Variants in GLIS3 observed in about 807,000 individuals in gnomAD.
GLIS3 encodes the protein zinc finger protein GLIS3.
A neutral mutation model predicts 78.6 loss-of-function variants in GLIS3; 53 were observed. The observed-to-expected ratio is 0.67, with a 90% CI of 0.54 to 0.85. The LOEUF (loss-of-function observed/expected upper bound fraction) is 0.85. Among genes scored for constraint, GLIS3 ranks in the 40% least tolerant of loss-of-function variants. The pLI, the probability that GLIS3 is intolerant of heterozygous loss-of-function variation, is 0.00. For missense variants in GLIS3, 1,703 were observed against 1,231.1 expected (o/e 1.38, Z -5.74); for synonymous variants, 684 against 509.9 (o/e 1.34, Z -4.60).
At chr9:3,976,337 G>A (rs1818787542) in intron 4 of GLIS3, among the ~76,000 whole-genome samples, 1 of 151,976 alleles carries the variant, frequency 6.6e-6, no homozygotes, top group African/African-American at 2.4e-5. Context: ...TGTCCAAGAG[G>A]ACAGAGCTTC....
chr9:3,919,455 G>A (rs903998142), intron 6 of GLIS3, among the ~76,000 whole-genome samples: 1 of 152,032 alleles, frequency 6.6e-6, no homozygotes, highest in African/African-American at 2.4e-5. Context: ...GAGACATATA[G>A]GGGAACAACA....
intron 4 of GLIS3, among the ~76,000 whole-genome samples, chr9:4,058,974 T>A (rs1332557441): frequency 1.4e-5 from 2 of 145,672 alleles, no homozygotes; most frequent in African/African-American, 2.6e-5. Flanking sequence ...AGAGCAAGAC[T>A]CCATCTCAAA....
At chr9:4,071,470 G>T (rs1293906472) in intron 4 of GLIS3, 3 of 152,134 alleles carry the variant, frequency 2.0e-5, no homozygotes, top group Admixed American at 6.5e-5. Flanking sequence ...GGTTAGATTA[G>T]AATAAGGATT....
the GLIS3 span, among the ~76,000 whole-genome samples, chr9:4,406,861 T>C: frequency 2.0e-5 from 3 of 152,214 alleles, no homozygotes; most frequent in Non-Finnish European, 4.4e-5. Flanking sequence ...TTAAAATGTT[T>C]ATACTAGCCA....
chr9:4,378,729 A>G, the GLIS3 span, among the ~76,000 whole-genome samples: 2 of 152,206 alleles, frequency 1.3e-5, no homozygotes, highest in African/African-American at 2.4e-5. Context: ...AGAAAGGCAC[A>G]TATTATTTCT....
chr9:3,949,990 C>A (rs921161622), intron 4 of GLIS3, among the ~76,000 whole-genome samples: 1 of 152,182 alleles, frequency 6.6e-6, no homozygotes, highest in African/African-American at 2.4e-5. Context: ...TCACAGGCAT[C>A]TCAAAGTACA....
rs537162742 is a variant in GLIS3, at chr9:3,936,942, C to G, written c.1872+86G>C. On this transcript the variant is annotated intron_variant, in intron 5 of 10. Transcript: ENST00000381971. Reference sequence around the variant, plus strand: ...TCCCTGTAACCTGCAGACCATAAAGCAAACACTTCACCAGCCCACTATCAA... The same window carrying G: ...TCCCTGTAACCTGCAGACCATAAAGGAAACACTTCACCAGCCCACTATCAA... The G allele has an allele frequency of 3.2e-6, 5 of 1,575,388 alleles. No homozygotes were observed. In the East Asian group the frequency reaches 6.7e-5, roughly 21 times the overall value.
intron 4 of GLIS3, among the ~76,000 whole-genome samples, chr9:4,066,039 T>TTA (rs796825355): frequency 2.3e-5 from 3 of 133,332 alleles, no homozygotes; most frequent in Non-Finnish European, 3.2e-5. Context: ...CCAAAGAATA[T>TTA]AAAAAAAAAA....
At chr9:3,935,932 G>C (rs748666948) in intron 5 of GLIS3, among the ~76,000 whole-genome samples, 2 of 152,112 alleles carry the variant, frequency 1.3e-5, no homozygotes, top group African/African-American at 2.4e-5. Flanking sequence ...GTTTAGAAAG[G>C]TTATGTGACA....
At chr9:4,408,726 CAAAAAA>C in the GLIS3 span, among the ~76,000 whole-genome samples, 4 of 56,760 alleles carry the variant, frequency 7.0e-5, no homozygotes, top group African/African-American at 1.9e-4. Context: ...GACTCTGTCT[CAAAAAA>C]AAAAAAAAAA....
intron 9 of GLIS3, among the ~76,000 whole-genome samples, chr9:3,843,857 T>C (rs1818873200): frequency 6.6e-6 from 1 of 152,170 alleles, no homozygotes; most frequent in African/African-American, 2.4e-5. Context: ...TTGGGTTTGG[T>C]GATGAACGTA....
At position 3,987,761 on chromosome 9, in the gene GLIS3, CAAAAAAAAAAAA is replaced by C. The variant is rs60986898; in HGVS notation, c.1711-50584_1711-50573del. 1.4e-3 allele frequency among the ~76,000 whole-genome samples: 15 copies of C among 10,462 alleles called. No homozygotes were observed. The South Asian group carries it at 0.071, about 50-fold the overall frequency. The allele number at this position is 10,462 out of a possible 152,430, so 6.9% of individuals were successfully genotyped here. ...ATGGCTGAAAACTCCCTGGATTTGG[CAAAAAAAAAAAA>C]AAAAAAAAAAAAAAACAAAACACAA... On this transcript the variant is annotated intron_variant, in intron 4 of 10. Transcript: ENST00000381971.
intron 2 of GLIS3, among the ~76,000 whole-genome samples, chr9:4,280,321 T>G (rs937864939): frequency 3.3e-5 from 5 of 152,220 alleles, no homozygotes; most frequent in Non-Finnish European, 7.3e-5. Flanking sequence ...CATGCCAGCC[T>G]GGGCTGTATT....
At chr9:3,889,960 T>C (rs1479878493) in intron 7 of GLIS3, among the ~76,000 whole-genome samples, 2 of 152,186 alleles carry the variant, frequency 1.3e-5, no homozygotes, top group East Asian at 1.9e-4. Flanking sequence ...TTTTGAAATA[T>C]GAAAACTAAA....
intron 2 of GLIS3, among the ~76,000 whole-genome samples, chr9:4,188,815 CTG>C (rs2131207204): frequency 6.6e-6 from 1 of 152,148 alleles, no homozygotes; most frequent in Admixed American, 6.5e-5. Context: ...TGATGGTAGT[CTG>C]TATTTCTGTG....
intron 2 of GLIS3, among the ~76,000 whole-genome samples, chr9:4,196,572 C>T (rs987783979): frequency 7.2e-5 from 11 of 152,266 alleles, no homozygotes; most frequent in Admixed American, 2.0e-4. Flanking sequence ...TGAACAACTC[C>T]AGACGCGCTG....
intron 2 of GLIS3, among the ~76,000 whole-genome samples, chr9:4,333,494 C>T (rs968336052): frequency 2.6e-5 from 4 of 152,182 alleles, no homozygotes; most frequent in African/African-American, 9.7e-5. Context: ...TTCTAGTCTT[C>T]TGAGTGGTTA....
At chr9:4,202,256 T>C (rs974756255) in intron 2 of GLIS3, among the ~76,000 whole-genome samples, 5 of 146,590 alleles carry the variant, frequency 3.4e-5, no homozygotes, top group South Asian at 2.2e-4. Context: ...GTTCATGCCA[T>C]TCTCCTGCCT....
intron 4 of GLIS3, among the ~76,000 whole-genome samples, chr9:4,044,319 C>T (rs973680611): frequency 2.0e-5 from 3 of 152,202 alleles, no homozygotes; most frequent in Non-Finnish European, 4.4e-5. Flanking sequence ...TTATACAGAT[C>T]TGTACGAAGA....
Sources: allele counts gnomAD v4.1 joint callset (sites outside exome capture counted in the v4.1 genomes callset), GRCh38; gene constraint gnomAD v4.1.1; transcripts MANE v1.5; gene names NCBI Gene and HGNC (gene_info 2026-07-23, HGNC 2026-07-21).